The following CRK variants were observed in gnomAD, a reference collection of about 807,000 sequenced individuals.
CRK encodes the protein CRK proto-oncogene, adaptor protein, also known as adapter molecule crk.
CRK carries 4 observed loss-of-function variants against 29.8 expected under a neutral mutation model. The ratio of observed to expected loss-of-function variants is 0.13; its 90% CI spans 0.07 to 0.31. The LOEUF is 0.31. Among genes scored for constraint, CRK ranks in the 10% least tolerant of loss-of-function variants. CRK has a pLI of 1.00. For synonymous variants in CRK, 153 were observed against 164.9 expected, an observed-to-expected ratio of 0.93 and a Z score of 0.55; for missense variants, 274 against 396.5, an observed-to-expected ratio of 0.69 and a Z score of 2.62.
At chr17:1,425,212 C>G (rs1028276007) in intron 2 of CRK, among the ~76,000 whole-genome samples, 16 of 151,758 alleles carry the variant, frequency 1.1e-4, no homozygotes, top group African/African-American at 3.9e-4. Context: ...GCCTCAGCCT[C>G]CCTAGTAGCT....
At chr17:1,428,695 TG>T (rs1327896798) in intron 2 of CRK, among the ~76,000 whole-genome samples, 1 of 150,340 alleles carries the variant, frequency 6.7e-6, no homozygotes, top group African/African-American at 2.5e-5. Context: ...TGCTAATTTT[TG>T]TATTTATAGT....
At chr17:1,425,129 G>A (rs912681188) in intron 2 of CRK, among the ~76,000 whole-genome samples, 8 of 151,384 alleles carry the variant, frequency 5.3e-5, no homozygotes, top group Non-Finnish European at 1.2e-4. Flanking sequence ...TCGATCTGTT[G>A]CCCAGGCTGG....
intron 1 of CRK, among the ~76,000 whole-genome samples, chr17:1,439,101 G>C (rs193149963): frequency 6.6e-6 from 1 of 152,030 alleles, no homozygotes; most frequent in Admixed American, 6.6e-5. Context: ...TGGGATCATA[G>C]GTGTGGGACA....
chr17:1,430,532 AT>A lies in CRK; in HGVS notation c.777+6087del, dbSNP rs781366758. ...CCACCACGTCCGGCTAATTTTTTGTATTTTTTTTTTTTTTAGTAGAGATGGG... is the reference window on the plus strand; with the variant it reads ...CCACCACGTCCGGCTAATTTTTTGTATTTTTTTTTTTTTAGTAGAGATGGG... On this transcript the variant is annotated intron_variant, in intron 2 of 2. Transcript: ENST00000300574. Among the ~76,000 whole-genome samples, 1,262 of 127,342 alleles carry A rather than the reference AT, an allele frequency of 9.9e-3. 17 individuals are homozygous for A. Among genetic ancestry groups the A allele is most frequent in the Middle Eastern group, 0.018 (4 of 218 alleles). 83.5% of individuals were successfully genotyped at this position (127,342 alleles called of 152,430 possible).
Position 1,455,973 on chromosome 17 carries a change from G to C in CRK, c.145C>G (p.Leu49Val). Residue 49 changes from leucine to valine, a missense_variant, in exon 1 of 3, where the codon CTC becomes GTC. Physicochemically the swap from Leu to Val is conservative, Grantham distance 32. Coordinates refer to ENST00000300574, the MANE Select transcript of CRK (RefSeq NM_016823.4). ...ACGCGCGAGTTCTCTGAGACGCTGA[G>C]CACATAGTCCCCGGGGCTGGTGCTC... Reference protein sequence around the residue: ...DSSTSPGDYVLSVSENSRVSH... With the variant: ...DSSTSPGDYVVSVSENSRVSH... 6.2e-7 allele frequency: 1 copy of C among 1,602,798 alleles called. No homozygotes were observed. The highest frequency in any genetic ancestry group is 8.5e-7 in the Non-Finnish European group (1 of 1,176,010).
At position 1,436,684 on chromosome 17, in the gene CRK, A is replaced by G. The variant is rs1180209088; in HGVS notation, c.713T>C (p.Ile238Thr). ...TCGCTTCTGGATAACCCTGGCATAT[A>G]TGGGCCCATTCTGGAGGTTAGGGAG... The part of the protein sequence containing the change: ...TPLPNLQNGP[I>T]YARVIQKRVP... Residue 238 changes from isoleucine to threonine, a missense_variant, in exon 2 of 3, where the codon ATA becomes ACA. This residue lies in a region of CRK where 121 missense variants were observed against 154.3 expected (regional missense o/e 0.78). Coordinates refer to ENST00000300574, the MANE Select transcript of CRK (RefSeq NM_016823.4). The G allele has an allele frequency of 6.2e-7, 1 of 1,612,808 alleles. No homozygotes were observed.
At chr17:1,428,048 C>T (rs776733627) in intron 2 of CRK, among the ~76,000 whole-genome samples, 1 of 151,696 alleles carries the variant, frequency 6.6e-6, no homozygotes, top group Non-Finnish European at 1.5e-5. Context: ...GCTGTTAACA[C>T]AGAACCATAC....
chr17:1,423,780 G>A (rs1053001114), intron 2 of CRK, 130 bp from the exon 3 acceptor site: 1 of 1,103,892 alleles, frequency 9.1e-7, no homozygotes, highest in African/African-American at 1.6e-5. Flanking sequence ...GCCATTTGCT[G>A]CCTCCCCAGC....
intron 2 of CRK, among the ~76,000 whole-genome samples, chr17:1,430,316 G>A (rs1159792984): frequency 2.0e-5 from 3 of 151,292 alleles, no homozygotes; most frequent in African/African-American, 7.3e-5. Context: ...CCAAAGTGCT[G>A]GGATTACAGG....
Position 1,436,723 on chromosome 17 carries a change from C to G in CRK, c.674G>C (p.Ser225Thr). 1 of 1,607,380 alleles carries G rather than the reference C, an allele frequency of 6.2e-7. No individual in the cohort carries two copies. The highest frequency in any genetic ancestry group is 1.1e-5 in the South Asian group (1 of 90,094). ...GPEPGPYAQP[S>T]VNTPLPNLQN... The stretch of plus-strand genomic sequence containing the variant: ...GAGGTTAGGGAGCGGAGTGTTGACG[C>G]TGGGTTGGGCATAGGGCCCAGGCTC... The change falls in exon 2 of 3, where the codon AGC (serine) becomes ACC (threonine). Residue 225 changes from serine (S) to threonine (T), a missense_variant. By Grantham distance (58) the Ser-to-Thr change is moderately conservative. This residue lies in a region of CRK where 121 missense variants were observed against 154.3 expected (regional missense o/e 0.78). Transcript: ENST00000300574.
chr17:1,437,205 T>C, intron 1 of CRK, 50 bp from the exon 2 acceptor site: 1 of 1,507,630 alleles, frequency 6.6e-7, no homozygotes, highest in Non-Finnish European at 8.9e-7. Context: ...ACACTGGAAA[T>C]GAAATGCAGA....
At chr17:1,447,771 C>A (rs1345105516) in intron 1 of CRK, among the ~76,000 whole-genome samples, 1 of 151,926 alleles carries the variant, frequency 6.6e-6, no homozygotes, top group Non-Finnish European at 1.5e-5. Context: ...CGCCCACCAC[C>A]ACACCTGGCT....
intron 1 of CRK, among the ~76,000 whole-genome samples, chr17:1,446,052 C>T (rs890600716): frequency 2.6e-5 from 4 of 152,226 alleles, no homozygotes; most frequent in East Asian, 1.9e-4. Context: ...CATGAGCCAC[C>T]GCGCCCAGCC....
intron 2 of CRK, among the ~76,000 whole-genome samples, chr17:1,434,706 C>G (rs1174239237): frequency 6.7e-6 from 1 of 148,368 alleles, no homozygotes; most frequent in South Asian, 2.2e-4. Context: ...TCACTTGAAC[C>G]TGGGAGGCGG....
chr17:1,439,656 C>T (rs2073918935), intron 1 of CRK, among the ~76,000 whole-genome samples: 1 of 151,584 alleles, frequency 6.6e-6, no homozygotes, highest in African/African-American at 2.4e-5. Context: ...CAAGACCAAC[C>T]CGGGCAACAT....
chr17:1,423,683 T>C, intron 2 of CRK, 33 bp from the exon 3 acceptor site: 1 of 1,611,176 alleles, frequency 6.2e-7, no homozygotes, highest in Non-Finnish European at 8.5e-7. Flanking sequence ...GCACTTTATT[T>C]CCAGGTAGGA....
chr17:1,439,904 G>T (rs1203110902), intron 1 of CRK, among the ~76,000 whole-genome samples: 2 of 152,094 alleles, frequency 1.3e-5, no homozygotes, highest in African/African-American at 4.8e-5. Flanking sequence ...TGTAATCCTA[G>T]AACTTTAGGA....
intron 1 of CRK, among the ~76,000 whole-genome samples, chr17:1,447,491 G>C (rs2073984205): frequency 6.6e-6 from 1 of 151,840 alleles, no homozygotes; most frequent in Non-Finnish European, 1.5e-5. Flanking sequence ...CTCCCTCCCT[G>C]AAGGTTTCAT....
chr17:1,453,168 T>C (rs1320219932), intron 1 of CRK, among the ~76,000 whole-genome samples: 1 of 152,150 alleles, frequency 6.6e-6, no homozygotes, highest in Non-Finnish European at 1.5e-5. Context: ...GAAAGAATTA[T>C]CACAATACTC....
Sources: gnomAD v4.1 joint callset for allele counts (sites outside exome capture counted in the v4.1 genomes callset) on GRCh38, gnomAD v4.1.1 for gene constraint, gnomAD v4.1.1 regional missense constraint, MANE v1.5 for transcripts, NCBI Gene and HGNC (gene_info 2026-07-23, HGNC 2026-07-21) for gene names.